Variants in CFAP46 observed in about 807,000 individuals in gnomAD.
The protein encoded by CFAP46 is cilia- and flagella-associated protein 46.
Under a neutral mutation model 325.7 loss-of-function variants are expected in CFAP46, and 245 were observed. That is an observed-to-expected ratio of 0.75 (90% CI 0.68 to 0.84). The LOEUF (loss-of-function observed/expected upper bound fraction) is 0.84. CFAP46 is among the 40% of genes least tolerant of loss of function. The pLI is 0.00. For synonymous variants in CFAP46, 1,523 were observed against 1,495.9 expected (o/e 1.02, Z -0.42); for missense variants, 3,346 against 3,543.0 (o/e 0.94, Z 1.41).
intron 4 of CFAP46, 142 bp downstream of exon 4, chr10:132,940,854 G>C: frequency 1.3e-6 from 1 of 768,992 alleles, no homozygotes; most frequent in East Asian, 2.7e-5. Flanking sequence ...ACGAGATGAG[G>C]GAGTGATCAC....
chr10:132,934,911 T>C, intron 7 of CFAP46, 49 bp from the exon 8 acceptor site: 1 of 1,179,752 alleles, frequency 8.5e-7, no homozygotes, highest in Middle Eastern at 2.2e-4. Flanking sequence ...GTCAGATTTA[T>C]TCAAATTCTT....
chr10:132,867,496 T>C lies in CFAP46; in HGVS notation c.4622A>G (p.Glu1541Gly). 6.5e-7 allele frequency: 1 copy of C among 1,550,156 alleles called. No homozygotes were observed. The highest frequency in any genetic ancestry group is 8.7e-7 in the Non-Finnish European group (1 of 1,146,954). The change falls in exon 34 of 58, where the codon GAG becomes GGG. Residue 1541 changes from glutamate (E) to glycine (G), a missense_variant. Transcript: ENST00000368586. ...ATTTTTCTCTTTTTTCAACGCGATCTCTTTTCTGCAGCTAATGCGAGGAAA... is the reference window on the plus strand; with the variant it reads ...ATTTTTCTCTTTTTTCAACGCGATCCCTTTTCTGCAGCTAATGCGAGGAAA... ...SELEQASCRKEIALKKEKNKE... is the reference protein window; with the variant it reads ...SELEQASCRKGIALKKEKNKE...
In CFAP46 at chr10:132,834,639, C is replaced by A; in HGVS notation, c.6866+15G>T. On this transcript the variant is annotated intron_variant, in intron 48 of 57. Transcript: ENST00000368586. Reference sequence around the variant, plus strand: ...GAGCGTGGTGGGGTGCCAGCCTCAACGTCATCCCCAGTACCTGGCCTTGGA... The same window carrying A: ...GAGCGTGGTGGGGTGCCAGCCTCAAAGTCATCCCCAGTACCTGGCCTTGGA... 6.2e-7 allele frequency: 1 copy of A among 1,612,370 alleles called. No individual in the cohort carries two copies. The highest frequency in any genetic ancestry group is 1.1e-5 in the South Asian group (1 of 90,924).
Position 132,851,207 on chromosome 10 carries a change from C to T in CFAP46, c.5673G>A (p.Glu1891=), listed in dbSNP as rs1848537658. The change falls in exon 40 of 58, where the codon GAG becomes GAA. Residue 1891 remains glutamate (E), a synonymous_variant. Coordinates refer to ENST00000368586, the MANE Select transcript of CFAP46 (RefSeq NM_001200049.3). ...ALDMLQFIWE[E]AHGQQSEQGS... ...CCTGCTCACTCTGCTGCCCGTGGGCCTCCTCCCAGATGAACTGGAGCATGT... is the reference window on the plus strand; with the variant it reads ...CCTGCTCACTCTGCTGCCCGTGGGCTTCCTCCCAGATGAACTGGAGCATGT... 1 of 1,614,038 alleles carries T rather than the reference C, an allele frequency of 6.2e-7. No homozygotes were observed. Among genetic ancestry groups the T allele is most frequent in the African/African-American group, 1.3e-5 (1 of 74,948 alleles).
chr10:132,903,250 G>C (rs1020052252), intron 22 of CFAP46, among the ~76,000 whole-genome samples: 1 of 152,176 alleles, frequency 6.6e-6, no homozygotes, highest in African/African-American at 2.4e-5. Flanking sequence ...TCTTGTCAGC[G>C]TACAGACCCC....
At chr10:132,860,326 A>G (rs557672116) in intron 37 of CFAP46, 91 bp downstream of exon 37, 6 of 940,466 alleles carry the variant, frequency 6.4e-6, no homozygotes, top group African/African-American at 3.3e-5. Context: ...CTGAACTTGC[A>G]TAGACTTGAC....
chr10:132,853,628 T>C (rs1378516911), intron 39 of CFAP46, among the ~76,000 whole-genome samples: 1 of 152,210 alleles, frequency 6.6e-6, no homozygotes, highest in Non-Finnish European at 1.5e-5. Context: ...AATTCACTAG[T>C]AAAGCCATCT....
intron 22 of CFAP46, among the ~76,000 whole-genome samples, chr10:132,903,354 C>T (rs987420852): frequency 1.3e-5 from 2 of 152,210 alleles, no homozygotes; most frequent in African/African-American, 2.4e-5. Context: ...CTCCACAGAA[C>T]GAGGGCCCCA....
chr10:132,918,663 G>T, intron 15 of CFAP46, 143 bp from the exon 16 acceptor site: 1 of 1,127,248 alleles, frequency 8.9e-7, no homozygotes, highest in Non-Finnish European at 1.2e-6. Context: ...TAGGCGGGAG[G>T]TGGGCAGCTT....
At chr10:132,836,991 G>A in intron 44 of CFAP46, 77 bp from the exon 45 acceptor site, 1 of 1,165,592 alleles carries the variant, frequency 8.6e-7, no homozygotes, top group Non-Finnish European at 1.3e-6. Context: ...CTCATTTCCA[G>A]GAGACCTCGT....
At chr10:132,833,986 C>G (rs1204679096) in intron 49 of CFAP46, 55 bp downstream of exon 49, 1 of 1,554,412 alleles carries the variant, frequency 6.4e-7, no homozygotes, top group Non-Finnish European at 8.9e-7. Context: ...CCCAACCCCA[C>G]CTCTTCTGGC....
At chr10:132,829,981 AT>A (rs74258812) in intron 50 of CFAP46, among the ~76,000 whole-genome samples, 5,057 of 142,474 alleles carry the variant, frequency 0.035, 122 homozygotes, top group African/African-American at 0.065. Flanking sequence ...ATATTGGTCC[AT>A]TTTTTTTTTT....
intron 44 of CFAP46, among the ~76,000 whole-genome samples, chr10:132,837,800 CACAT>C (rs1226681621): frequency 4.0e-5 from 6 of 150,714 alleles, no homozygotes; most frequent in Admixed American, 6.6e-5. Flanking sequence ...TGCATGGACA[CACAT>C]GCACACGTAC....
chr10:132,939,140 T>C lies in CFAP46; in HGVS notation c.372-387A>G, dbSNP rs12250930. 0.029 allele frequency among the ~76,000 whole-genome samples: 4,360 copies of C among 152,136 alleles called. 209 individuals carry two copies. Among genetic ancestry groups the C allele is most frequent in the African/African-American group, 0.097 (4,034 of 41,484 alleles). On this transcript the variant is annotated intron_variant, in intron 4 of 57. Coordinates refer to ENST00000368586, the MANE Select transcript of CFAP46 (RefSeq NM_001200049.3). The surrounding 1 kb of genome is among the most constrained non-coding windows in gnomAD (Gnocchi z 4.6). Reference sequence around the variant, plus strand: ...CTGACTCTCAAGGGATAGACAAGAATGGGCAAGGACAGAGGGAATCAAGGA... The same window carrying C: ...CTGACTCTCAAGGGATAGACAAGAACGGGCAAGGACAGAGGGAATCAAGGA...
Position 132,916,628 on chromosome 10 carries a change from G to A in CFAP46, c.2041C>T (p.Pro681Ser), listed in dbSNP as rs747107998. The change falls in exon 17 of 58, where the codon CCC becomes TCC. Residue 681 changes from proline to serine, a missense_variant. By Grantham distance (74) the Pro-to-Ser change is moderately conservative (BLOSUM62 -1). Coordinates refer to ENST00000368586, the MANE Select transcript of CFAP46 (RefSeq NM_001200049.3). Reference protein sequence around the residue: ...EGVELNDRAIPPEDLSQHPAG... With the variant: ...EGVELNDRAISPEDLSQHPAG... ...GGGTGCTGGCTCAGGTCTTCGGGGG[G>A]GATGGCCCGGTCATTCAGCTCTACA... The A allele has an allele frequency of 9.9e-5, 152 of 1,536,622 alleles. No individual in the cohort carries two copies. The highest frequency in any genetic ancestry group is 1.2e-4 in the Non-Finnish European group (135 of 1,140,810).
intron 11 of CFAP46, among the ~76,000 whole-genome samples, chr10:132,923,927 T>C (rs1282953968): frequency 6.6e-6 from 1 of 151,918 alleles, no homozygotes; most frequent in African/African-American, 2.4e-5. Flanking sequence ...AATAGAACTC[T>C]AGAAAAATTC....
intron 50 of CFAP46, among the ~76,000 whole-genome samples, chr10:132,816,807 T>C (rs1847704669): frequency 6.6e-6 from 1 of 152,160 alleles, no homozygotes; most frequent in Admixed American, 6.5e-5. Flanking sequence ...TATTTAGAAG[T>C]GAGCTGTTGA....
chr10:132,834,288 G>T (rs2135001594), intron 48 of CFAP46, among the ~76,000 whole-genome samples, 165 bp from the exon 49 acceptor site: 1 of 152,346 alleles, frequency 6.6e-6, no homozygotes, highest in East Asian at 1.9e-4. Context: ...ATGAGCCACA[G>T]GATTTTGGGA....
chr10:132,920,402 CTCT>C (rs1397781679), intron 13 of CFAP46, among the ~76,000 whole-genome samples: 2 of 152,304 alleles, frequency 1.3e-5, no homozygotes, highest in African/African-American at 2.4e-5. Flanking sequence ...GCCAGTGCTC[CTCT>C]GAGTGGGGGA....
Sources: allele counts gnomAD v4.1 joint callset (sites outside exome capture counted in the v4.1 genomes callset), GRCh38; gene constraint gnomAD v4.1.1; non-coding constraint Gnocchi (gnomAD v3.1); transcripts MANE v1.5; gene names NCBI Gene and HGNC (gene_info 2026-07-23, HGNC 2026-07-21).